The following PRKAR1A variants were observed in gnomAD, a reference collection of about 807,000 sequenced individuals.
PRKAR1A encodes the protein cAMP-dependent protein kinase type I-alpha regulatory subunit.
In PRKAR1A, 3 loss-of-function variants were observed where a neutral mutation model predicts 52.0. The ratio of observed to expected loss-of-function variants is 0.06; its 90% CI spans 0.03 to 0.15. The LOEUF (loss-of-function observed/expected upper bound fraction) is 0.15. PRKAR1A is among the 10% of genes least tolerant of loss of function. The probability of loss-of-function intolerance (pLI) is 1.00; values close to 1 mark genes in which losing one functional copy is unlikely to be tolerated. For missense variants in PRKAR1A, 240 were observed against 477.4 expected, an observed-to-expected ratio of 0.50 and a Z score of 4.63; for synonymous variants, 188 against 168.4, an observed-to-expected ratio of 1.12 and a Z score of -0.90.
At chr17:68,502,493 G>A in the PRKAR1A span, among the ~76,000 whole-genome samples, 1 of 152,172 alleles carries the variant, frequency 6.6e-6, no homozygotes, top group Non-Finnish European at 1.5e-5. Flanking sequence ...GCTCACGCCT[G>A]TAATCCCAGC....
the PRKAR1A span, among the ~76,000 whole-genome samples, chr17:68,417,733 ATTTTTTTTTTTTTTTTT>A: frequency 4.9e-5 from 3 of 60,788 alleles, 1 homozygote; most frequent in Non-Finnish European, 8.7e-5. Flanking sequence ...GAGTTGCTGA[ATTTTTTTTTTTTTTTTT>A]TTTTTTTTTT....
chr17:68,542,004 T>C, intron 11 of PRKAR1A: 1 of 1,613,852 alleles, frequency 6.2e-7, no homozygotes, highest in Non-Finnish European at 8.5e-7. Context: ...CCTGCCAGTG[T>C]GTAGGAGCGG....
the PRKAR1A span, among the ~76,000 whole-genome samples, chr17:68,425,134 G>A: frequency 6.6e-6 from 1 of 152,196 alleles, no homozygotes; most frequent in East Asian, 1.9e-4. Context: ...GCAGGTTGCT[G>A]GGAAACCCAG....
the PRKAR1A span, among the ~76,000 whole-genome samples, chr17:68,496,148 TCTC>T: frequency 3.5e-5 from 5 of 141,354 alleles, no homozygotes; most frequent in African/African-American, 1.3e-4. Flanking sequence ...GTCAAGCAAT[TCTC>T]CTGCCTCAGA....
intron 2 of PRKAR1A, among the ~76,000 whole-genome samples, chr17:68,518,293 C>A (rs1042584910): frequency 1.3e-5 from 2 of 152,188 alleles, no homozygotes; most frequent in South Asian, 2.1e-4. Flanking sequence ...GGGCTCCAAA[C>A]GACCCCACAT....
the PRKAR1A span, among the ~76,000 whole-genome samples, chr17:68,424,165 T>C: frequency 6.6e-6 from 1 of 152,166 alleles, no homozygotes; most frequent in Non-Finnish European, 1.5e-5. Context: ...CAACAGAGGT[T>C]TTGAAGTTTA....
the PRKAR1A span, among the ~76,000 whole-genome samples, chr17:68,442,942 A>G: frequency 6.6e-6 from 1 of 152,176 alleles, no homozygotes; most frequent in East Asian, 1.9e-4. Context: ...TCTGCAATAG[A>G]TACTTGTCCA....
the PRKAR1A span, chr17:68,420,205 T>G: frequency 6.2e-7 from 1 of 1,614,002 alleles, no homozygotes; most frequent in South Asian, 1.1e-5. Context: ...CCAGGGCGTG[T>G]GATGGGAGCA....
the PRKAR1A span, chr17:68,435,815 G>A: frequency 9.6e-7 from 1 of 1,038,278 alleles, no homozygotes; most frequent in Admixed American, 2.0e-5. Flanking sequence ...CCTTTGTCCA[G>A]CTCCCTGTCT....
At position 68,550,369 on chromosome 17, in the gene PRKAR1A, C is replaced by CTTTTTT. The variant is rs747654899; in HGVS notation, c.974-693_974-688dup. Among the ~76,000 whole-genome samples, 52 of 79,382 alleles carry CTTTTTT rather than the reference C, an allele frequency of 6.6e-4. 3 individuals are homozygous for CTTTTTT. Among genetic ancestry groups the CTTTTTT allele is most frequent in the African/African-American group, 1.9e-3 (36 of 18,756 alleles). 52.1% of individuals were successfully genotyped at this position (79,382 alleles called of 152,430 possible). ...CTTTCACATAGGAAAAATGGGGGAACTTTTTTTTTTTTTTTTTTTTTTTTT... is the reference window on the plus strand; with the variant it reads ...CTTTCACATAGGAAAAATGGGGGAACTTTTTTTTTTTTTTTTTTTTTTTTTTTTTTT... On this transcript the variant is annotated intron_variant, in intron 11 of 11. Coordinates refer to the PRKAR1A transcript ENST00000585981.
At chr17:68,447,033 C>G in the PRKAR1A span, among the ~76,000 whole-genome samples, 2 of 152,218 alleles carry the variant, frequency 1.3e-5, no homozygotes, top group Non-Finnish European at 2.9e-5. Flanking sequence ...CCCGCAGAAC[C>G]ATGGTCTTGC....
the PRKAR1A span, among the ~76,000 whole-genome samples, chr17:68,502,092 C>T: frequency 6.6e-6 from 1 of 152,182 alleles, no homozygotes; most frequent in African/African-American, 2.4e-5. Context: ...TTGCAACAGA[C>T]TCCTGAGAAG....
chr17:68,530,245 G>T (rs933427957), intron 10 of PRKAR1A, 32 bp from the exon 11 acceptor site: 1 of 1,611,796 alleles, frequency 6.2e-7, no homozygotes, highest in South Asian at 1.1e-5. Context: ...TTTCATAGAA[G>T]TTAGCCTGTT....
At chr17:68,458,445 A>G in the PRKAR1A span, among the ~76,000 whole-genome samples, 4 of 152,212 alleles carry the variant, frequency 2.6e-5, no homozygotes, top group Non-Finnish European at 5.9e-5. Context: ...CAGGACAGAA[A>G]TGACTGCAGC....
chr17:68,468,391 G>A, the PRKAR1A span, among the ~76,000 whole-genome samples: 225 of 152,286 alleles, frequency 1.5e-3, 1 homozygote, highest in Middle Eastern at 3.4e-3. Flanking sequence ...GTGTCAGTTG[G>A]TAAAGAACTG....
At chr17:68,433,780 T>G in the PRKAR1A span, among the ~76,000 whole-genome samples, 13 of 126,014 alleles carry the variant, frequency 1.0e-4, no homozygotes, top group African/African-American at 1.9e-4. Flanking sequence ...TTTTTTTTTT[T>G]TTTTTTTTTT....
the PRKAR1A span, chr17:68,457,298 ACT>A: frequency 3.9e-6 from 6 of 1,534,104 alleles, no homozygotes; most frequent in South Asian, 2.4e-5. Context: ...GGGTCCTGAC[ACT>A]CTGTCCCCCA....
At chr17:68,507,527 T>C (rs972051998), upstream of PRKAR1A, among the ~76,000 whole-genome samples, 5 of 152,286 alleles carry the variant, frequency 3.3e-5, no homozygotes, top group African/African-American at 9.6e-5. Flanking sequence ...AATCAGCTAA[T>C]GCGTGTGGGT....
At chr17:68,487,353 A>C in the PRKAR1A span, among the ~76,000 whole-genome samples, 1 of 152,232 alleles carries the variant, frequency 6.6e-6, no homozygotes, top group African/African-American at 2.4e-5. Context: ...AGTGTTTTCA[A>C]ATGAAGGCTA....
Sources: gnomAD v4.1 joint callset for allele counts (sites outside exome capture counted in the v4.1 genomes callset) on GRCh38, gnomAD v4.1.1 for gene constraint, MANE v1.5 for transcripts, NCBI Gene and HGNC (gene_info 2026-07-23, HGNC 2026-07-21) for gene names.